The following KLHDC1 variants were observed in gnomAD, a reference collection of about 807,000 sequenced individuals.
KLHDC1 encodes the protein kelch domain containing 1.
In KLHDC1, 53 loss-of-function variants were observed where a neutral mutation model predicts 68.3. The ratio of observed to expected loss-of-function variants is 0.78; its 90% CI spans 0.62 to 0.98. The LOEUF is 0.98. Among genes scored for constraint, KLHDC1 ranks in the 50% least tolerant of loss-of-function variants. KLHDC1 has a pLI of 0.00. For missense variants in KLHDC1, 470 were observed against 492.3 expected (o/e 0.95, Z 0.43); for synonymous variants, 148 against 159.0 (o/e 0.93, Z 0.52).
At chr14:49,734,083 T>A (rs1210652013) in intron 9 of KLHDC1, among the ~76,000 whole-genome samples, 1 of 152,220 alleles carries the variant, frequency 6.6e-6, no homozygotes, top group Admixed American at 6.5e-5. Flanking sequence ...TTAGTTCCTG[T>A]TTTCTGTTTT....
intron 4 of KLHDC1, among the ~76,000 whole-genome samples, chr14:49,719,928 G>T (rs1483139973): frequency 6.6e-6 from 1 of 151,044 alleles, no homozygotes; most frequent in African/African-American, 2.4e-5. Flanking sequence ...GGGCTCAAGC[G>T]TTCCTCCTTC....
At chr14:49,709,645 T>C in intron 2 of KLHDC1, 64 bp from the exon 3 acceptor site, 1 of 850,958 alleles carries the variant, frequency 1.2e-6, no homozygotes, top group Middle Eastern at 2.3e-4. Flanking sequence ...ACTCATGGAG[T>C]TTAAAGAGAA....
chr14:49,716,379 T>C (rs906506776), intron 4 of KLHDC1, among the ~76,000 whole-genome samples: 8 of 152,062 alleles, frequency 5.3e-5, no homozygotes, highest in Non-Finnish European at 8.8e-5. Context: ...GACTTACCTC[T>C]TGCTACGCTT....
At chr14:49,748,571 T>TTTTATA (rs1292039718) in intron 12 of KLHDC1, among the ~76,000 whole-genome samples, 78 of 152,240 alleles carry the variant, frequency 5.1e-4, no homozygotes, top group African/African-American at 1.8e-3. Context: ...TGGGATCATG[T>TTTTATA]TCATCTTACC....
At chr14:49,694,038 C>G (rs975027955) in intron 1 of KLHDC1, among the ~76,000 whole-genome samples, 1 of 152,014 alleles carries the variant, frequency 6.6e-6, no homozygotes, top group Non-Finnish European at 1.5e-5. Context: ...AGGCATTAGC[C>G]ACTGTGCCTG....
intron 11 of KLHDC1, among the ~76,000 whole-genome samples, chr14:49,743,266 A>G (rs1889111993): frequency 6.6e-6 from 1 of 151,190 alleles, no homozygotes; most frequent in Non-Finnish European, 1.5e-5. Flanking sequence ...AGAGCATGGT[A>G]GTGGGCGCCT....
intron 11 of KLHDC1, among the ~76,000 whole-genome samples, chr14:49,742,000 C>T (rs1231327632): frequency 1.3e-5 from 2 of 152,176 alleles, no homozygotes; most frequent in African/African-American, 4.8e-5. Flanking sequence ...AGGATGGCTT[C>T]TCTCCATGGA....
At position 49,693,263 on chromosome 14, in the gene KLHDC1, C is replaced by T. The variant is rs765477815; in HGVS notation, c.69C>T (p.Asn23=). The T allele has an allele frequency of 6.4e-7, 1 of 1,565,546 alleles. No homozygotes were observed. Among genetic ancestry groups the T allele is most frequent in the Admixed American group, 1.8e-5 (1 of 54,384 alleles). ...RSGHCAVVDG[N]FLYVWGGYVS... is the part of the protein sequence containing the mutation. ...GCCACTGCGCCGTGGTGGACGGAAACTTCCTCTACGTGTGGGGGGGCTACG... is the reference window on the plus strand; with the variant it reads ...GCCACTGCGCCGTGGTGGACGGAAATTTCCTCTACGTGTGGGGGGGCTACG... Residue 23 remains asparagine (N), a synonymous_variant, in exon 1 of 13, where the codon AAC becomes AAT. Coordinates refer to ENST00000359332, the MANE Select transcript of KLHDC1 (RefSeq NM_172193.3).
chr14:49,699,500 C>A (rs1043857134), intron 1 of KLHDC1, among the ~76,000 whole-genome samples: 5 of 151,690 alleles, frequency 3.3e-5, no homozygotes, highest in Non-Finnish European at 7.4e-5. Flanking sequence ...TCCGATCGTT[C>A]TAAACAAGAT....
At chr14:49,734,560 T>A (rs766871714) in intron 9 of KLHDC1, 29 bp from the exon 10 acceptor site, 1 of 1,398,074 alleles carries the variant, frequency 7.2e-7, no homozygotes, top group East Asian at 2.4e-5. Flanking sequence ...AGACCTAATC[T>A]TAATTTCTGA....
intron 10 of KLHDC1, among the ~76,000 whole-genome samples, chr14:49,738,591 G>T (rs1344234901): frequency 6.6e-6 from 1 of 152,010 alleles, no homozygotes. Context: ...CTTGTGATCT[G>T]CCCACCTCAG....
intron 12 of KLHDC1, among the ~76,000 whole-genome samples, chr14:49,748,153 G>A (rs946344163): frequency 2.0e-5 from 3 of 152,160 alleles, no homozygotes; most frequent in Non-Finnish European, 4.4e-5. Flanking sequence ...GAATGAAAAG[G>A]TTTCTCCACA....
At chr14:49,700,393 A>G (rs1042998981) in intron 1 of KLHDC1, among the ~76,000 whole-genome samples, 4 of 151,756 alleles carry the variant, frequency 2.6e-5, no homozygotes, top group Non-Finnish European at 5.9e-5. Flanking sequence ...GACCAGCCTG[A>G]GCAACATAGC....
At chr14:49,732,505 G>A (rs1162741332) in intron 8 of KLHDC1, among the ~76,000 whole-genome samples, 199 bp from the exon 9 acceptor site, 1 of 152,242 alleles carries the variant, frequency 6.6e-6, no homozygotes, top group Non-Finnish European at 1.5e-5. Flanking sequence ...GTGTAGCCAG[G>A]TGGAATGGTC....
intron 5 of KLHDC1, among the ~76,000 whole-genome samples, chr14:49,724,564 T>TAC (rs202040227): frequency 1.0e-3 from 158 of 151,692 alleles, no homozygotes; most frequent in African/African-American, 3.5e-3. Context: ...TATATATATA[T>TAC]ACACACACAC....
intron 12 of KLHDC1, among the ~76,000 whole-genome samples, chr14:49,749,892 T>C (rs887556421): frequency 6.6e-6 from 1 of 151,952 alleles, no homozygotes; most frequent in African/African-American, 2.4e-5. Flanking sequence ...ACCCCATCTC[T>C]ATTAAAAATA....
At chr14:49,700,235 C>G in intron 1 of KLHDC1, 1 of 186,062 alleles carries the variant, frequency 5.4e-6, no homozygotes, top group South Asian at 7.5e-5. Flanking sequence ...CCATGTTGGT[C>G]AGGCTGGTCT....
intron 1 of KLHDC1, among the ~76,000 whole-genome samples, chr14:49,706,450 A>G (rs1888052507): frequency 6.6e-6 from 1 of 152,218 alleles, no homozygotes; most frequent in Non-Finnish European, 1.5e-5. Context: ...ATGGGAGTGC[A>G]GATATCTCTG....
chr14:49,728,909 C>T lies in KLHDC1; in HGVS notation c.568-17C>T. The T allele has an allele frequency of 6.3e-7, 1 of 1,577,356 alleles. No homozygotes were observed. On this transcript the variant is annotated splice_polypyrimidine_tract_variant and intron_variant, in intron 6 of 12. Coordinates refer to ENST00000359332, the MANE Select transcript of KLHDC1 (RefSeq NM_172193.3). Reference sequence around the variant, plus strand: ...ATATTTCAAGTCTTTGCAGTCTGTTCTGATTTCTACTTGCAGGGTGGAGTT... The same window carrying T: ...ATATTTCAAGTCTTTGCAGTCTGTTTTGATTTCTACTTGCAGGGTGGAGTT...
Sources: allele counts gnomAD v4.1 joint callset (sites outside exome capture counted in the v4.1 genomes callset), GRCh38; gene constraint gnomAD v4.1.1; transcripts MANE v1.5; gene names NCBI Gene and HGNC (gene_info 2026-07-23, HGNC 2026-07-21).